The following UQCC6 variants were observed in gnomAD, a reference collection of about 807,000 sequenced individuals.
The protein encoded by UQCC6 is protein BRAWNIN.
the UQCC6 span, chr12:103,956,709 G>T: frequency 7.7e-6 from 12 of 1,551,588 alleles, no homozygotes; most frequent in Admixed American, 2.0e-5. Context: ...ACATTTTCAG[G>T]TAGGTGGACA....
the UQCC6 span, among the ~76,000 whole-genome samples, chr12:103,961,671 C>G: frequency 6.6e-6 from 1 of 152,046 alleles, no homozygotes; most frequent in Admixed American, 6.6e-5. Flanking sequence ...ATTTTCCTGC[C>G]TCAGCCTCCC....
At chr12:103,952,707 G>T in the UQCC6 span, among the ~76,000 whole-genome samples, 1 of 152,192 alleles carries the variant, frequency 6.6e-6, no homozygotes, top group African/African-American at 2.4e-5. Context: ...TACAGCCATT[G>T]TAGTGGGTAT....
At chr12:103,954,369 G>T in the UQCC6 span, among the ~76,000 whole-genome samples, 1 of 152,230 alleles carries the variant, frequency 6.6e-6, no homozygotes, top group Non-Finnish European at 1.5e-5. Context: ...TACAAGCATG[G>T]CACCAACATC....
the UQCC6 span, among the ~76,000 whole-genome samples, chr12:103,960,196 G>A: frequency 9.9e-5 from 15 of 151,846 alleles, no homozygotes; most frequent in Admixed American, 7.9e-4. Flanking sequence ...TCAGCCTCCC[G>A]AGTAGCTTGA....
chr12:103,956,997 G>A, the UQCC6 span: 1 of 510,148 alleles, frequency 2.0e-6, no homozygotes, highest in Non-Finnish European at 3.6e-6. Flanking sequence ...CGGCCTGCGT[G>A]CGGCATTAAA....
the UQCC6 span, chr12:103,953,788 T>C: frequency 1.8e-6 from 1 of 541,152 alleles, no homozygotes; most frequent in Non-Finnish European, 3.3e-6. Context: ...AAGGTACAGG[T>C]AGCTGCTGTA....
the UQCC6 span, among the ~76,000 whole-genome samples, chr12:103,955,933 T>C: frequency 2.0e-5 from 3 of 152,236 alleles, no homozygotes; most frequent in Non-Finnish European, 4.4e-5. Flanking sequence ...CTATAGTCAC[T>C]CATCCTTCAT....
At chr12:103,951,648 C>CA in the UQCC6 span, 9 of 1,372,446 alleles carry the variant, frequency 6.6e-6, no homozygotes, top group East Asian at 1.8e-4. Flanking sequence ...AAAAACAAAA[C>CA]AAAAAACATA....
chr12:103,965,673 T>C, the UQCC6 span: 46 of 269,328 alleles, frequency 1.7e-4, no homozygotes, highest in African/African-American at 9.4e-4. Context: ...AGACAAAAGC[T>C]GACGTCGGCA....
the UQCC6 span, among the ~76,000 whole-genome samples, chr12:103,964,036 T>C: frequency 0.14 from 20,929 of 151,788 alleles, 1,594 homozygotes; most frequent in Admixed American, 0.2. Flanking sequence ...ATGCAGGATG[T>C]TGAGAGAGAG....
At chr12:103,955,858 C>T in the UQCC6 span, 17 of 452,266 alleles carry the variant, frequency 3.8e-5, no homozygotes, top group Admixed American at 2.9e-4. Flanking sequence ...TGAAAAGAAC[C>T]TTTAATTCTA....
chr12:103,954,392 G>A, the UQCC6 span, among the ~76,000 whole-genome samples: 11 of 152,194 alleles, frequency 7.2e-5, no homozygotes, highest in Admixed American at 3.9e-4. Context: ...TCCAGCTTCC[G>A]GTGAGGCCTC....
chr12:103,963,985 G>A, the UQCC6 span, among the ~76,000 whole-genome samples: 1 of 151,898 alleles, frequency 6.6e-6, no homozygotes, highest in Non-Finnish European at 1.5e-5. Flanking sequence ...GCTCTGGTGG[G>A]CCAGGTTCAC....
At chr12:103,965,648 C>T in the UQCC6 span, 3 of 228,580 alleles carry the variant, frequency 1.3e-5, no homozygotes, top group South Asian at 1.7e-4. Context: ...GTCCACCAGC[C>T]CCCGAAAATA....
the UQCC6 span, among the ~76,000 whole-genome samples, chr12:103,956,056 A>G: frequency 6.6e-6 from 1 of 152,230 alleles, no homozygotes; most frequent in Non-Finnish European, 1.5e-5. Context: ...GACAAAGAAC[A>G]AATAAATAGA....
chr12:103,952,226 T>C, the UQCC6 span, among the ~76,000 whole-genome samples: 1 of 152,318 alleles, frequency 6.6e-6, no homozygotes, highest in East Asian at 1.9e-4. Context: ...AGATAACTAT[T>C]AGTCTTCTTT....
At chr12:103,957,991 TA>T in the UQCC6 span, among the ~76,000 whole-genome samples, 1 of 140,916 alleles carries the variant, frequency 7.1e-6, no homozygotes, top group Non-Finnish European at 1.5e-5. Flanking sequence ...TATATTTATA[TA>T]TTTATAATAT....
the UQCC6 span, among the ~76,000 whole-genome samples, chr12:103,952,734 G>A: frequency 6.6e-6 from 1 of 152,166 alleles, no homozygotes; most frequent in Non-Finnish European, 1.5e-5. Flanking sequence ...GTATTTCACT[G>A]TGGTTTTGAT....
At chr12:103,951,640 AAAC>A in the UQCC6 span, 2 of 1,455,406 alleles carry the variant, frequency 1.4e-6, no homozygotes, top group African/African-American at 2.9e-5. Context: ...TCTGCAAAAA[AAAC>A]AAAACAAAAA....
Sources: gnomAD v4.1 joint callset for allele counts (sites outside exome capture counted in the v4.1 genomes callset) on GRCh38, gnomAD v4.1.1 for gene constraint, MANE v1.5 for transcripts, NCBI Gene and HGNC (gene_info 2026-07-23, HGNC 2026-07-21) for gene names.